The following PRDM16 variants were observed in gnomAD, a reference collection of about 807,000 sequenced individuals.
PRDM16 encodes histone-lysine N-methyltransferase PRDM16.
PRDM16 carries 23 observed loss-of-function variants against 110.6 expected under a neutral mutation model. That is an observed-to-expected ratio of 0.21 (90% CI 0.15 to 0.29). The LOEUF (loss-of-function observed/expected upper bound fraction) is 0.29, where lower values mean the gene tolerates loss of function less well. PRDM16 is among the 10% of genes least tolerant of loss of function. The pLI, the probability that PRDM16 is intolerant of heterozygous loss-of-function variation, is 1.00. For synonymous variants in PRDM16, 799 were observed against 781.8 expected (o/e 1.02, Z -0.37); for missense variants, 1,615 against 1,794.3 (o/e 0.90, Z 1.81).
At chr1:3,326,163 C>T (rs567378969) in intron 3 of PRDM16, among the ~76,000 whole-genome samples, 5 of 147,746 alleles carry the variant, frequency 3.4e-5, no homozygotes, top group East Asian at 4.2e-4. Context: ...TGGCCATCCT[C>T]GACCATCCTT....
In PRDM16 at chr1:3,405,619, A is replaced by T; in HGVS notation, c.1157A>T (p.His386Leu). The T allele has an allele frequency of 6.2e-7, 1 of 1,609,924 alleles. No homozygotes were observed. The highest frequency in any genetic ancestry group is 8.5e-7 in the Non-Finnish European group (1 of 1,178,380). ...TCCTCCGGCCTCAAGCAGCACAAGCATATCCACAGCACGGTGAAGCCTTTC... is the reference window on the plus strand; with the variant it reads ...TCCTCCGGCCTCAAGCAGCACAAGCTTATCCACAGCACGGTGAAGCCTTTC... ...ATSSGLKQHK[H>L]IHSTVKPFIC... is the part of the protein sequence containing the mutation. Residue 386 changes from histidine to leucine, a missense_variant, in exon 8 of 17, where the codon CAT becomes CTT. Physicochemically the swap from His to Leu is moderately conservative, Grantham distance 99 (BLOSUM62 -3). Coordinates refer to ENST00000270722, the MANE Select transcript of PRDM16 (RefSeq NM_022114.4).
At chr1:3,238,704 C>A (rs909737851) in intron 2 of PRDM16, among the ~76,000 whole-genome samples, 3 of 152,200 alleles carry the variant, frequency 2.0e-5, no homozygotes, top group Non-Finnish European at 4.4e-5. Flanking sequence ...CCGGAGGGAG[C>A]TTGGCCGTGG....
chr1:3,373,850 G>T (rs189195949), intron 3 of PRDM16, among the ~76,000 whole-genome samples: 1 of 152,254 alleles, frequency 6.6e-6, no homozygotes, highest in Non-Finnish European at 1.5e-5. Flanking sequence ...AGCCTGGGAC[G>T]TCCTGCCAGA....
chr1:3,292,290 C>T (rs541477525), intron 3 of PRDM16, among the ~76,000 whole-genome samples: 8 of 152,346 alleles, frequency 5.3e-5, no homozygotes, highest in Admixed American at 3.3e-4. Flanking sequence ...AGAGCAGAGC[C>T]GAGGTGATAA....
chr1:3,127,746 C>T (rs769974879), intron 1 of PRDM16, among the ~76,000 whole-genome samples: 61 of 152,234 alleles, frequency 4.0e-4, no homozygotes, highest in Non-Finnish European at 5.4e-4. Context: ...AGCGAGAGGC[C>T]GGTTTGCCTA....
At chr1:3,315,523 C>T (rs1277942233) in intron 3 of PRDM16, among the ~76,000 whole-genome samples, 2 of 152,146 alleles carry the variant, frequency 1.3e-5, no homozygotes, top group Admixed American at 1.3e-4. Context: ...TTAAGACCTG[C>T]GGCTTTCTCT....
intron 1 of PRDM16, among the ~76,000 whole-genome samples, chr1:3,170,752 C>T (rs1174307913): frequency 6.6e-6 from 1 of 152,196 alleles, no homozygotes; most frequent in African/African-American, 2.4e-5. Context: ...GCTGTCCTGG[C>T]CGCTCCCGTC....
At chr1:3,315,938 C>G (rs751681418) in intron 3 of PRDM16, among the ~76,000 whole-genome samples, 1 of 151,908 alleles carries the variant, frequency 6.6e-6, no homozygotes, top group Non-Finnish European at 1.5e-5. Context: ...CGGAAGGTAT[C>G]TCAGGATTTG....
At chr1:3,363,047 G>A (rs764123750) in intron 3 of PRDM16, among the ~76,000 whole-genome samples, 3 of 152,220 alleles carry the variant, frequency 2.0e-5, no homozygotes, top group Non-Finnish European at 4.4e-5. Context: ...ACCCTGGCAT[G>A]TGAGAAGCTG....
At chr1:3,365,898 G>A (rs917672367) in intron 3 of PRDM16, among the ~76,000 whole-genome samples, 1 of 151,732 alleles carries the variant, frequency 6.6e-6, no homozygotes, top group Non-Finnish European at 1.5e-5. Context: ...AGGGATGCAC[G>A]TGCACACACA....
chr1:3,287,995 G>C (rs1377528390), intron 3 of PRDM16, among the ~76,000 whole-genome samples: 1 of 152,270 alleles, frequency 6.6e-6, no homozygotes, highest in Middle Eastern at 3.2e-3. Flanking sequence ...TACAGGCAGA[G>C]CCCTGGGCTC....
chr1:3,402,482 C>A (rs991863453), intron 5 of PRDM16, among the ~76,000 whole-genome samples: 1 of 152,254 alleles, frequency 6.6e-6, no homozygotes, highest in African/African-American at 2.4e-5. Flanking sequence ...CCGAGCGGGG[C>A]CTTCTCCAGC....
At chr1:3,105,982 A>G (rs907544823) in intron 1 of PRDM16, among the ~76,000 whole-genome samples, 2 of 150,440 alleles carry the variant, frequency 1.3e-5, no homozygotes, top group African/African-American at 5.0e-5. Flanking sequence ...GGGGCAGGAC[A>G]TGTCCTGAAA....
chr1:3,312,782 T>G (rs1570046742), intron 3 of PRDM16, among the ~76,000 whole-genome samples: 4 of 152,066 alleles, frequency 2.6e-5, no homozygotes, highest in Non-Finnish European at 2.9e-5. Flanking sequence ...ATTGCTGTTA[T>G]GAGATTCAAC....
chr1:3,412,723 G>T lies in PRDM16; in HGVS notation c.2526G>T (p.Val842=). 6.6e-7 allele frequency: 1 copy of T among 1,505,770 alleles called. No homozygotes were observed. The allele number at this position is 1,505,770 out of a possible 1,614,324, so 93.3% of individuals were successfully genotyped here. A position where few individuals can be genotyped will look rare whatever the true frequency, so the allele number is the denominator to read the frequency against. ...GCGCCGGCGAGGGGCTGCCCCAGGTGTGCCCGGCGCGGATGCCCCAGCAGC... is the reference window on the plus strand; with the variant it reads ...GCGCCGGCGAGGGGCTGCCCCAGGTTTGCCCGGCGCGGATGCCCCAGCAGC... The part of the protein sequence containing the change: ...KLGAGEGLPQ[V]CPARMPQQPP... The change falls in exon 9 of 17, where the codon GTG becomes GTT. Residue 842 remains valine, a synonymous_variant. Transcript: ENST00000270722.
At chr1:3,092,109 G>C (rs1467539640) in intron 1 of PRDM16, among the ~76,000 whole-genome samples, 3 of 123,918 alleles carry the variant, frequency 2.4e-5, no homozygotes. Context: ...CCCATGTCAC[G>C]GCACTGCTGC....
In PRDM16 at chr1:3,402,831, C is replaced by G; in HGVS notation, c.717C>G (p.Phe239Leu). 1 of 1,613,024 alleles carries G rather than the reference C, an allele frequency of 6.2e-7. No individual in the cohort carries two copies. Reference protein sequence around the residue: ...TFRCDECDELFQSKLDLRRHK... With the variant: ...TFRCDECDELLQSKLDLRRHK... ...GCTGTGACGAGTGTGACGAACTCTT[C>G]CAGTCCAAGCTGGACCTGCGGCGCC... Residue 239 changes from phenylalanine (F) to leucine (L), a missense_variant, in exon 6 of 17, where the codon TTC (phenylalanine) becomes TTG (leucine). Physicochemically the swap from Phe to Leu is conservative, Grantham distance 22 (BLOSUM62 0). Transcript: ENST00000270722.
chr1:3,186,787 C>A (rs1485686542), intron 2 of PRDM16, among the ~76,000 whole-genome samples: 3 of 152,210 alleles, frequency 2.0e-5, no homozygotes, highest in Admixed American at 1.3e-4. Flanking sequence ...ACTGCCATCG[C>A]GGCAGGGCAG....
intron 1 of PRDM16, among the ~76,000 whole-genome samples, chr1:3,178,495 G>A (rs1441098626): frequency 3.3e-5 from 5 of 152,212 alleles, no homozygotes; most frequent in Non-Finnish European, 7.3e-5. Context: ...GGAGGCCGGG[G>A]CTCCTGGAGG....
Sources: allele counts gnomAD v4.1 joint callset (sites outside exome capture counted in the v4.1 genomes callset), GRCh38; gene constraint gnomAD v4.1.1; transcripts MANE v1.5; gene names NCBI Gene and HGNC (gene_info 2026-07-23, HGNC 2026-07-21).